The following KIF21B variants were observed in gnomAD, a reference collection of about 807,000 sequenced individuals.
KIF21B encodes the protein kinesin-like protein KIF21B.
In KIF21B, 85 loss-of-function variants were observed where a neutral mutation model predicts 192.9. The ratio of observed to expected loss-of-function variants is 0.44; its 90% CI spans 0.37 to 0.53. The LOEUF (loss-of-function observed/expected upper bound fraction) is 0.53, where lower values mean the gene tolerates loss of function less well. Ranked by LOEUF, KIF21B falls within the 20% of genes least tolerant of loss-of-function variation. The probability of loss-of-function intolerance (pLI) is 0.00; values close to 1 mark genes in which losing one functional copy is unlikely to be tolerated. For synonymous variants in KIF21B, 832 were observed against 884.6 expected (o/e 0.94, Z 1.05); for missense variants, 1,716 against 2,194.8 (o/e 0.78, Z 4.36).
At chr1:201,012,120 G>A (rs1166342604) in intron 1 of KIF21B, among the ~76,000 whole-genome samples, 1 of 152,176 alleles carries the variant, frequency 6.6e-6, no homozygotes, top group Non-Finnish European at 1.5e-5. Flanking sequence ...ATTCACCCTG[G>A]GGCCCTTTTT....
intron 30 of KIF21B, among the ~76,000 whole-genome samples, chr1:200,978,385 T>C (rs949776982): frequency 3.3e-5 from 5 of 152,032 alleles, no homozygotes; most frequent in Non-Finnish European, 7.4e-5. Flanking sequence ...TATTTTTTTT[T>C]TTAAGGCCAG....
Position 201,002,273 on chromosome 1 carries a change from C to T in KIF21B, c.1290G>A (p.Glu430=). The T allele has an allele frequency of 6.2e-7, 1 of 1,614,220 alleles. No homozygotes were observed. Among genetic ancestry groups the T allele is most frequent in the Non-Finnish European group, 8.5e-7 (1 of 1,180,040 alleles). Residue 430 remains glutamate, a synonymous_variant, in exon 9 of 35, where the codon GAG becomes GAA. Transcript: ENST00000461742. ...LFRENAMLQK[E]NGALRLRVKA... ...TCACCCGCAGCCGCAGGGCCCCATT[C>T]TCCTTCTGTAGCATGGCATTCTCTC... is the stretch of plus-strand genomic sequence containing the variant.
At chr1:200,984,574 G>A (rs543548226) in intron 27 of KIF21B, among the ~76,000 whole-genome samples, 4 of 152,308 alleles carry the variant, frequency 2.6e-5, no homozygotes, top group East Asian at 1.9e-4. Flanking sequence ...CTCAGGCACC[G>A]GCCCCATGCG....
Position 201,023,284 on chromosome 1 carries a change from C to A in KIF21B, c.41+59G>T. The A allele has an allele frequency of 6.9e-7, 1 of 1,450,896 alleles. No homozygotes were observed. The allele number at this position is 1,450,896 out of a possible 1,614,324, so 89.9% of individuals were successfully genotyped here. On this transcript the variant is annotated intron_variant, in intron 1 of 34. Transcript: ENST00000461742. The surrounding 1 kb of genome is among the most constrained non-coding windows in gnomAD (Gnocchi z 5.9). ...GTGCTCGCGCCCCCCGCCCAAAGCC[C>A]ACGCGAGACAAAGCCCGAGGCTTCT...
chr1:200,989,913 C>G (rs748501511), intron 21 of KIF21B, 29 bp downstream of exon 21: 1 of 1,552,960 alleles, frequency 6.4e-7, no homozygotes, highest in Admixed American at 1.7e-5. Flanking sequence ...GCCCATAGAG[C>G]CCCCTGCCCA....
intron 31 of KIF21B, 126 bp downstream of exon 31, chr1:200,977,086 C>G: frequency 8.5e-7 from 1 of 1,181,984 alleles, no homozygotes; most frequent in Non-Finnish European, 1.2e-6. Context: ...ACAGGCCCAG[C>G]AGCATGGGGG....
Position 200,999,916 on chromosome 1 carries a change from G to A in KIF21B, c.1734C>T (p.Asn578=). The A allele has an allele frequency of 2.5e-6, 4 of 1,614,008 alleles. No individual in the cohort carries two copies. The highest frequency in any genetic ancestry group is 3.4e-6 in the Non-Finnish European group (4 of 1,180,028). Residue 578 remains asparagine (N), a synonymous_variant, in exon 12 of 35, where the codon AAC becomes AAT. Coordinates refer to ENST00000461742, the MANE Select transcript of KIF21B (RefSeq NM_001252102.2). The surrounding 1 kb of genome is among the most constrained non-coding windows in gnomAD (Gnocchi z 4.7). ...FKKRAKLQQE[N]SEETDENEAE... The stretch of plus-strand genomic sequence containing the variant: ...CCTCGTTCTCATCCGTCTCCTCGCT[G>A]TTCTCCTGTTGGAGTTTTGCCCTCT...
intron 1 of KIF21B, among the ~76,000 whole-genome samples, chr1:201,018,851 G>A (rs1658659492): frequency 6.6e-6 from 1 of 152,162 alleles, no homozygotes; most frequent in Non-Finnish European, 1.5e-5. Flanking sequence ...TCAAAGGACT[G>A]GAGGTGAATT....
rs1655201775 is a variant in KIF21B, at chr1:200,971,348, T to A, written c.*2173A>T. 6.5e-6 allele frequency: 1 copy of A among 152,748 alleles called. No homozygotes were observed. The highest frequency in any genetic ancestry group is 1.9e-4 in the East Asian group (1 of 5,334). 9.5% of individuals were successfully genotyped at this position (152,748 alleles called of 1,614,324 possible). On this transcript the variant is annotated 3_prime_UTR_variant, in exon 35 of 35. Transcript: ENST00000461742. Reference sequence around the variant, plus strand: ...AAACAGCAGAAAATGGGCATGATGATGAGCACCTCTCGCAGGGCCATAAGA... The same window carrying A: ...AAACAGCAGAAAATGGGCATGATGAAGAGCACCTCTCGCAGGGCCATAAGA...
chr1:201,004,456 C>A lies in KIF21B; in HGVS notation c.901-1G>T, dbSNP rs751474204. On this transcript the variant is annotated splice_acceptor_variant, in intron 6 of 34. Transcript: ENST00000461742. LOFTEE classifies it high-confidence loss of function. Reference sequence around the variant, plus strand: ...CGCTGATCACATTGCCCAAGGCCAGCTGTGGGAGACAGACCCTGGCACTCA... The same window carrying A: ...CGCTGATCACATTGCCCAAGGCCAGATGTGGGAGACAGACCCTGGCACTCA... The A allele has an allele frequency of 6.4e-7, 1 of 1,566,386 alleles. No homozygotes were observed. Among genetic ancestry groups the A allele is most frequent in the Admixed American group, 1.9e-5 (1 of 52,320 alleles).
At chr1:200,974,031 G>A (rs1260831390) in intron 34 of KIF21B, 1 of 1,582,354 alleles carries the variant, frequency 6.3e-7, no homozygotes, top group South Asian at 1.1e-5. Context: ...GATCGAAGTG[G>A]GGAAAGAGAG....
chr1:200,977,884 G>A (rs189593867), intron 30 of KIF21B, among the ~76,000 whole-genome samples: 35 of 151,222 alleles, frequency 2.3e-4, no homozygotes, highest in African/African-American at 2.9e-4. Context: ...ATAGGCATGC[G>A]CCACCATCCC....
intron 15 of KIF21B, among the ~76,000 whole-genome samples, chr1:200,993,769 A>AC (rs201724943): frequency 2.9e-4 from 42 of 143,646 alleles, no homozygotes; most frequent in Middle Eastern, 3.5e-3. Flanking sequence ...ACAAAACAAA[A>AC]AAAAAAAAAA....
Position 201,008,879 on chromosome 1 carries a change from T to C in KIF21B, c.337A>G (p.Ile113Val), listed in dbSNP as rs1485965385. 1 of 1,611,744 alleles carries C rather than the reference T, an allele frequency of 6.2e-7. No homozygotes were observed. The highest frequency in any genetic ancestry group is 1.1e-5 in the South Asian group (1 of 91,088). ...MATSEEEQGIIPRAIAHLFGG... is the reference protein window; with the variant it reads ...MATSEEEQGIVPRAIAHLFGG... ...AAGAGGTGTGCGATGGCCCTCGGGA[T>C]GATGCCCTGCTCCTCCTCCGACGTT... The change falls in exon 3 of 35, where the codon ATC (isoleucine) becomes GTC (valine). Residue 113 changes from isoleucine to valine, a missense_variant. By Grantham distance (29) the Ile-to-Val change is conservative. This residue lies in a region of KIF21B where 1,087 missense variants were observed against 1,316.6 expected (regional missense o/e 0.83). Coordinates refer to ENST00000461742, the MANE Select transcript of KIF21B (RefSeq NM_001252102.2).
In KIF21B at chr1:200,990,537, G is replaced by A. The variant is rs1571930761; in HGVS notation, c.2835+39C>T. 6.2e-7 allele frequency: 1 copy of A among 1,605,556 alleles called. No homozygotes were observed. The highest frequency in any genetic ancestry group is 8.5e-7 in the Non-Finnish European group (1 of 1,174,980). On this transcript the variant is annotated intron_variant, in intron 19 of 34. Coordinates refer to ENST00000461742, the MANE Select transcript of KIF21B (RefSeq NM_001252102.2). This position sits in a 1 kb window ranked among gnomAD's most constrained non-coding sequence, Gnocchi z 5.4. ...AGTTGGAGGTGTCAGAGGACAGGCA[G>A]AGGGGTGGAATGGAAGAGAAGGGGG... is the stretch of plus-strand genomic sequence containing the variant.
At chr1:201,014,707 C>A (rs146087011) in intron 1 of KIF21B, among the ~76,000 whole-genome samples, 1 of 152,194 alleles carries the variant, frequency 6.6e-6, no homozygotes, top group Non-Finnish European at 1.5e-5. Context: ...TGAAGTCAGT[C>A]CCACCCAATC....
chr1:200,974,664 CCA>C (rs1655426519), intron 34 of KIF21B, 48 bp downstream of exon 34: 2 of 1,439,380 alleles, frequency 1.4e-6, no homozygotes, highest in Non-Finnish European at 1.8e-6. Context: ...CCTGCCCACA[CCA>C]GGAAGGAGAT....
At chr1:200,973,790 C>G in intron 34 of KIF21B, 1 of 1,437,562 alleles carries the variant, frequency 7.0e-7, no homozygotes, top group South Asian at 1.5e-5. Context: ...CCCAGGGGAG[C>G]TTTGTCATGG....
chr1:200,999,236 C>T lies in KIF21B; in HGVS notation c.1885+113G>A. 1 of 1,278,808 alleles carries T rather than the reference C, an allele frequency of 7.8e-7. No individual in the cohort carries two copies. Among genetic ancestry groups the T allele is most frequent in the Non-Finnish European group, 1.1e-6 (1 of 883,214 alleles). 79.2% of individuals were successfully genotyped at this position (1,278,808 alleles called of 1,614,324 possible). A position where few individuals can be genotyped will look rare whatever the true frequency, so the allele number is the denominator to read the frequency against. On this transcript the variant is annotated intron_variant, in intron 13 of 34. Coordinates refer to ENST00000461742, the MANE Select transcript of KIF21B (RefSeq NM_001252102.2). This position sits in a 1 kb window ranked among gnomAD's most constrained non-coding sequence, Gnocchi z 4.7. ...CTGCCTGTTGTCATTGGTTTCACGT[C>T]TGGGAGTGCTGGGGCCTGGACACCA...
Sources: allele counts gnomAD v4.1 joint callset (sites outside exome capture counted in the v4.1 genomes callset), GRCh38; gene constraint gnomAD v4.1.1; regional missense constraint gnomAD v4.1.1; non-coding constraint Gnocchi (gnomAD v3.1); transcripts MANE v1.5; gene names NCBI Gene and HGNC (gene_info 2026-07-23, HGNC 2026-07-21).